The following RAB12 variants were observed in gnomAD, a reference collection of about 807,000 sequenced individuals.
The protein encoded by RAB12 is RAB12, member RAS oncogene family, also known as ras-related protein Rab-12.
Under a neutral mutation model 28.4 loss-of-function variants are expected in RAB12, and 11 were observed. That is an observed-to-expected ratio of 0.39 (90% CI 0.24 to 0.64). The LOEUF (loss-of-function observed/expected upper bound fraction) is 0.64, where lower values mean the gene tolerates loss of function less well. Ranked by LOEUF, RAB12 falls within the 30% of genes least tolerant of loss-of-function variation. The pLI is 0.50. For missense variants in RAB12, 276 were observed against 351.1 expected, an observed-to-expected ratio of 0.79 and a Z score of 1.71; for synonymous variants, 138 against 145.3, an observed-to-expected ratio of 0.95 and a Z score of 0.36.
intron 2 of RAB12, among the ~76,000 whole-genome samples, chr18:8,625,202 G>A (rs1022198461): frequency 1.3e-5 from 2 of 152,222 alleles, no homozygotes; most frequent in African/African-American, 4.8e-5. Context: ...CACATGGGGA[G>A]CAGTTGTGGA....
chr18:8,620,065 C>T (rs1355888896), intron 1 of RAB12, among the ~76,000 whole-genome samples: 1 of 147,128 alleles, frequency 6.8e-6, no homozygotes, highest in East Asian at 2.0e-4. Context: ...GAGTTGGAGG[C>T]TGCAGTGAGC....
chr18:8,631,181 C>T (rs974844478), intron 2 of RAB12, among the ~76,000 whole-genome samples: 1 of 152,230 alleles, frequency 6.6e-6, no homozygotes, highest in East Asian at 1.9e-4. Context: ...TGAGCCACTG[C>T]GCCCGGCCTA....
chr18:8,638,120 G>C, intron 5 of RAB12, 29 bp from the exon 6 acceptor site: 1 of 1,507,506 alleles, frequency 6.6e-7, no homozygotes, highest in Non-Finnish European at 9.2e-7. Context: ...AAGTTAAAAC[G>C]GATTTTTTTT....
chr18:8,616,133 A>G (rs558566544), intron 1 of RAB12, among the ~76,000 whole-genome samples: 1 of 152,184 alleles, frequency 6.6e-6, no homozygotes, highest in South Asian at 2.1e-4. Context: ...TTGTATTTAT[A>G]TAAGACACCA....
intron 1 of RAB12, among the ~76,000 whole-genome samples, chr18:8,617,454 T>G (rs1052192732): frequency 2.7e-5 from 4 of 147,570 alleles, no homozygotes; most frequent in African/African-American, 1.0e-4. Flanking sequence ...TGATCATGGT[T>G]TTTTTTTTTT....
chr18:8,636,530 G>A (rs748953616), intron 5 of RAB12, among the ~76,000 whole-genome samples, 173 bp downstream of exon 5: 21 of 152,198 alleles, frequency 1.4e-4, no homozygotes, highest in Non-Finnish European at 2.1e-4. Context: ...TGCTGTAGCC[G>A]TTTCCCACCC....
At chr18:8,637,221 A>T (rs1294352026) in intron 5 of RAB12, among the ~76,000 whole-genome samples, 1 of 150,992 alleles carries the variant, frequency 6.6e-6, no homozygotes, top group Non-Finnish European at 1.5e-5. Context: ...TGATACAGTG[A>T]GCTATGATCG....
intron 1 of RAB12, among the ~76,000 whole-genome samples, chr18:8,619,173 A>C (rs1204638767): frequency 2.6e-5 from 4 of 152,208 alleles, no homozygotes; most frequent in Non-Finnish European, 5.9e-5. Context: ...GAAAGTATTA[A>C]GTAAAATCTA....
intron 5 of RAB12, 87 bp downstream of exon 5, chr18:8,636,444 A>T: frequency 3.5e-6 from 3 of 854,928 alleles, no homozygotes; most frequent in African/African-American, 1.7e-5. Context: ...TTTTGTATTT[A>T]GAAACCAAAA....
rs890889042 is a variant in RAB12 at position 8,619,509 on chromosome 18, G to A, written c.515-5429G>A. ...AAGACAGCCAGCAAGAAGGCAGAGC[G>A]CAGAGTCAGGCCTTGTCTTAACAGC... On this transcript the variant is annotated intron_variant, in intron 1 of 5. Coordinates refer to ENST00000649141, the MANE Select transcript of RAB12 (RefSeq NM_001025300.3). Among the ~76,000 whole-genome samples, 12 of 152,322 alleles carry A rather than the reference G, an allele frequency of 7.9e-5. 1 individual carries two copies. In the South Asian group the frequency reaches 1.0e-3, roughly 13 times the overall value.
rs1329639082 is a variant in RAB12 at position 8,638,446 on chromosome 18, C to T, written c.*184C>T. ...GTTTTGGTTATAAGTTACCTATTTCCCTCCAAATTATTATATTTCATTCAT... is the reference window on the plus strand; with the variant it reads ...GTTTTGGTTATAAGTTACCTATTTCTCTCCAAATTATTATATTTCATTCAT... On this transcript the variant is annotated 3_prime_UTR_variant, in exon 6 of 6. Coordinates refer to ENST00000649141, the MANE Select transcript of RAB12 (RefSeq NM_001025300.3). 4 of 564,890 alleles carry T rather than the reference C, an allele frequency of 7.1e-6. No homozygotes were observed. Among genetic ancestry groups the T allele is most frequent in the Admixed American group, 6.3e-5 (2 of 31,536 alleles). The allele number at this position is 564,890 out of a possible 1,614,324, so 35.0% of individuals were successfully genotyped here. A position where few individuals can be genotyped will look rare whatever the true frequency, so the allele number is the denominator to read the frequency against.
intron 1 of RAB12, among the ~76,000 whole-genome samples, chr18:8,624,370 AAATT>A (rs1210208460): frequency 3.3e-5 from 5 of 152,248 alleles, no homozygotes; most frequent in African/African-American, 1.2e-4. Context: ...AAATGAATAA[AAATT>A]AAAGTTGGGT....
At position 8,610,012 on chromosome 18, in the gene RAB12, G is replaced by T. The variant is rs1434786154; in HGVS notation, c.514+59G>T. Reference sequence around the variant, plus strand: ...CCTGGCGCCCGGGCAGGTGCCCTTCGCCCCGTGGGCTTCGAGTCTCATCGA... The same window carrying T: ...CCTGGCGCCCGGGCAGGTGCCCTTCTCCCCGTGGGCTTCGAGTCTCATCGA... On this transcript the variant is annotated intron_variant, in intron 1 of 5. Transcript: ENST00000649141. The T allele has an allele frequency of 2.2e-6, 3 of 1,335,686 alleles. No homozygotes were observed. In the Admixed American group the frequency reaches 5.4e-5, roughly 24 times the overall value. The allele number at this position is 1,335,686 out of a possible 1,614,324, so 82.7% of individuals were successfully genotyped here.
Position 8,620,746 on chromosome 18 carries a change from G to A in RAB12, c.515-4192G>A, listed in dbSNP as rs1027995954. Among the ~76,000 whole-genome samples the A allele has an allele frequency of 2.4e-4, 37 of 152,110 alleles. 1 individual carries two copies. Among genetic ancestry groups the A allele is most frequent in the Admixed American group, 1.9e-3 (29 of 15,262 alleles). ...GGGGGCTGAAGATGACTACATCCTCGGAGGGCAGGCACGTAGCCTGTCGGG... is the reference window on the plus strand; with the variant it reads ...GGGGGCTGAAGATGACTACATCCTCAGAGGGCAGGCACGTAGCCTGTCGGG... On this transcript the variant is annotated intron_variant, in intron 1 of 5. Transcript: ENST00000649141.
At chr18:8,626,818 T>C (rs1210073483) in intron 2 of RAB12, among the ~76,000 whole-genome samples, 6 of 152,354 alleles carry the variant, frequency 3.9e-5, no homozygotes, top group African/African-American at 7.2e-5. Flanking sequence ...TCTAAATCTG[T>C]GCAGCTGTAC....
At chr18:8,633,937 G>A (rs2096017392) in intron 3 of RAB12, among the ~76,000 whole-genome samples, 1 of 152,108 alleles carries the variant, frequency 6.6e-6, no homozygotes. Flanking sequence ...GTTGGGAGTG[G>A]GATGTGATGA....
chr18:8,627,119 A>G (rs1218270815), intron 2 of RAB12, among the ~76,000 whole-genome samples: 1 of 152,244 alleles, frequency 6.6e-6, no homozygotes, highest in Non-Finnish European at 1.5e-5. Context: ...TGTAATTTGT[A>G]TTACTGTTTT....
chr18:8,636,057 T>C, intron 4 of RAB12, 196 bp from the exon 5 acceptor site: 1 of 552,050 alleles, frequency 1.8e-6, no homozygotes, highest in Non-Finnish European at 3.2e-6. Flanking sequence ...CCTTCAGGAT[T>C]TTTATTGTCT....
chr18:8,633,080 G>C (rs550512408), intron 2 of RAB12, 109 bp from the exon 3 acceptor site: 1 of 1,396,812 alleles, frequency 7.2e-7, no homozygotes, highest in South Asian at 1.2e-5. Context: ...GGTTACTCTC[G>C]TTCTTTTTTC....
Sources: gnomAD v4.1 joint callset for allele counts (sites outside exome capture counted in the v4.1 genomes callset) on GRCh38, gnomAD v4.1.1 for gene constraint, MANE v1.5 for transcripts, NCBI Gene and HGNC (gene_info 2026-07-23, HGNC 2026-07-21) for gene names.